COL11A1: variants seen among roughly 807,000 people sequenced by gnomAD.
The protein encoded by COL11A1 is collagen type XI alpha 1 chain, also known as collagen alpha-1(XI) chain.
Under a neutral mutation model 265.2 loss-of-function variants are expected in COL11A1, and 74 were observed. The ratio of observed to expected loss-of-function variants is 0.28; its 90% CI spans 0.23 to 0.34. The LOEUF (loss-of-function observed/expected upper bound fraction) is 0.34, where lower values mean the gene tolerates loss of function less well. COL11A1 is among the 10% of genes least tolerant of loss of function. The pLI is 1.00. For missense variants in COL11A1, 2,165 were observed against 2,263.6 expected (o/e 0.96, Z 0.88); for synonymous variants, 816 against 727.6 (o/e 1.12, Z -1.96).
At chr1:103,028,657 T>C (rs1350805734) in intron 5 of COL11A1, among the ~76,000 whole-genome samples, 1 of 152,134 alleles carries the variant, frequency 6.6e-6, no homozygotes, top group East Asian at 1.9e-4. Context: ...GGAGAAAGGA[T>C]CTTCCAGAAA....
intron 4 of COL11A1, among the ~76,000 whole-genome samples, chr1:103,072,255 C>T (rs911936673): frequency 3.3e-5 from 5 of 151,848 alleles, no homozygotes; most frequent in African/African-American, 4.8e-5. Context: ...GATTGAAATT[C>T]AAATATGACC....
At chr1:102,880,591 GT>G (rs1386324455) in intron 65 of COL11A1, among the ~76,000 whole-genome samples, 1 of 151,784 alleles carries the variant, frequency 6.6e-6, no homozygotes, top group African/African-American at 2.4e-5. Context: ...AGTCTCAGTT[GT>G]AATTTATTAG....
intron 39 of COL11A1, 137 bp from the exon 40 acceptor site, chr1:102,962,402 A>G (rs951838925): frequency 6.4e-6 from 5 of 784,638 alleles, no homozygotes; most frequent in South Asian, 4.7e-5. Context: ...GTGGAATGCC[A>G]TATGCATTAA....
intron 41 of COL11A1, among the ~76,000 whole-genome samples, chr1:102,952,393 A>G (rs577345276): frequency 1.3e-5 from 2 of 152,300 alleles, no homozygotes; most frequent in African/African-American, 4.8e-5. Flanking sequence ...CACCGTGCCC[A>G]GCCAGATACT....
intron 23 of COL11A1, 118 bp downstream of exon 23, chr1:103,002,310 A>T (rs986223069): frequency 5.2e-5 from 50 of 959,666 alleles, no homozygotes; most frequent in Non-Finnish European, 8.1e-5. Flanking sequence ...ATTTTCCTAC[A>T]TTCACATTTT....
chr1:103,040,944 A>T (rs1456129878), intron 4 of COL11A1, among the ~76,000 whole-genome samples: 1 of 151,724 alleles, frequency 6.6e-6, no homozygotes, highest in Non-Finnish European at 1.5e-5. Flanking sequence ...TCTCAATTTG[A>T]ATGCTAATTA....
intron 4 of COL11A1, among the ~76,000 whole-genome samples, chr1:103,052,965 C>T (rs1669949400): frequency 6.6e-6 from 1 of 152,108 alleles, no homozygotes; most frequent in Non-Finnish European, 1.5e-5. Context: ...ATGATTTCTT[C>T]TTTAAAAAGT....
At chr1:103,086,881 A>G (rs1309458073) in intron 1 of COL11A1, among the ~76,000 whole-genome samples, 1 of 151,946 alleles carries the variant, frequency 6.6e-6, no homozygotes, top group Non-Finnish European at 1.5e-5. Flanking sequence ...CCTTAAGTTT[A>G]TTTTATTTCA....
chr1:103,085,188 G>T (rs1013720179), intron 1 of COL11A1, among the ~76,000 whole-genome samples: 1 of 152,118 alleles, frequency 6.6e-6, no homozygotes, highest in Non-Finnish European at 1.5e-5. Context: ...ATGTGCATTT[G>T]GATAATTATG....
At chr1:103,053,558 CA>C (rs1669998355) in intron 4 of COL11A1, among the ~76,000 whole-genome samples, 1 of 152,072 alleles carries the variant, frequency 6.6e-6, no homozygotes, top group Non-Finnish European at 1.5e-5. Context: ...ACTTGACAGA[CA>C]AATTCAGTGT....
At chr1:102,976,751 A>G (rs911501450) in intron 35 of COL11A1, among the ~76,000 whole-genome samples, 1 of 152,170 alleles carries the variant, frequency 6.6e-6, no homozygotes, top group African/African-American at 2.4e-5. Context: ...AATAATTTTA[A>G]TATGTCCTAA....
intron 13 of COL11A1, 94 bp from the exon 14 acceptor site, chr1:103,012,563 C>T: frequency 4.5e-6 from 4 of 883,726 alleles, no homozygotes. Flanking sequence ...TTAAGTAATA[C>T]ATGATCAACA....
Position 103,043,358 on chromosome 1 carries a change from A to G in COL11A1, c.652-12114T>C, listed in dbSNP as rs527291961. On this transcript the variant is annotated intron_variant, in intron 4 of 66. Coordinates refer to ENST00000370096, the MANE Select transcript of COL11A1 (RefSeq NM_001854.4). ...GTCAGGAAGGTATAGCATCTCTACA[A>G]GACAATAAAAGGCATAGTTTACAGC... 1.3e-4 allele frequency among the ~76,000 whole-genome samples: 20 copies of G among 151,210 alleles called. No individual in the cohort carries two copies. The South Asian group carries it at 3.7e-3, about 28-fold the overall frequency.
chr1:103,046,384 T>C (rs929349427), intron 4 of COL11A1, among the ~76,000 whole-genome samples: 1 of 151,276 alleles, frequency 6.6e-6, no homozygotes, highest in Non-Finnish European at 1.5e-5. Context: ...CATGTGTTTT[T>C]TGGCTGCATA....
chr1:102,915,108 G>C (rs188452443), intron 50 of COL11A1, among the ~76,000 whole-genome samples: 6 of 152,180 alleles, frequency 3.9e-5, no homozygotes, highest in African/African-American at 1.4e-4. Context: ...GTTTTACCAC[G>C]TTGGGCCAGA....
At chr1:102,989,265 T>TGTGTGTGC (rs1553227683) in intron 29 of COL11A1, among the ~76,000 whole-genome samples, 11 of 151,948 alleles carry the variant, frequency 7.2e-5, no homozygotes, top group African/African-American at 2.7e-4. Flanking sequence ...TGTGTGTGTG[T>TGTGTGTGC]GTGTGCACGC....
At chr1:102,979,006 G>T in intron 33 of COL11A1, 54 bp downstream of exon 33, 1 of 1,607,544 alleles carries the variant, frequency 6.2e-7, no homozygotes, top group Non-Finnish European at 8.5e-7. Context: ...AAATTATCTT[G>T]ATACACTAAA....
intron 3 of COL11A1, among the ~76,000 whole-genome samples, chr1:103,077,470 A>C (rs1312778475): frequency 1.3e-5 from 2 of 152,094 alleles, no homozygotes; most frequent in Non-Finnish European, 2.9e-5. Flanking sequence ...AAGAAACACA[A>C]CGTGCTATTA....
rs961575829 is a variant in COL11A1 at position 102,914,543 on chromosome 1, A to G, written c.3925-138T>C. 6.1e-5 allele frequency: 63 copies of G among 1,035,542 alleles called. No homozygotes were observed. In the Admixed American group the frequency reaches 1.4e-3, roughly 24 times the overall value. 64.1% of individuals were successfully genotyped at this position (1,035,542 alleles called of 1,614,324 possible). On this transcript the variant is annotated intron_variant, in intron 51 of 66. Transcript: ENST00000370096. ...TCTCTTCTCCCGCCAAAAAATTTCT[A>G]AAGAATTAATTCAATTGAGAATGCT...
Sources: allele counts gnomAD v4.1 joint callset (sites outside exome capture counted in the v4.1 genomes callset), GRCh38; gene constraint gnomAD v4.1.1; transcripts MANE v1.5; gene names NCBI Gene and HGNC (gene_info 2026-07-23, HGNC 2026-07-21).